The following IL21R variants were observed in gnomAD, a reference collection of about 807,000 sequenced individuals.
IL21R encodes the protein interleukin 21 receptor.
IL21R carries 14 observed loss-of-function variants against 41.3 expected under a neutral mutation model. The observed-to-expected ratio is 0.34, with a 90% confidence interval of 0.22 to 0.53. The LOEUF (loss-of-function observed/expected upper bound fraction) is 0.53, where lower values mean the gene tolerates loss of function less well. Among genes scored for constraint, IL21R ranks in the 20% least tolerant of loss-of-function variants. The pLI, the probability that IL21R is intolerant of heterozygous loss-of-function variation, is 0.94. For missense variants in IL21R, 588 were observed against 681.6 expected (o/e 0.86, Z 1.53); for synonymous variants, 286 against 287.6 (o/e 0.99, Z 0.05).
chr16:27,420,160 G>A (rs2086976689), intron 1 of IL21R, among the ~76,000 whole-genome samples: 1 of 152,162 alleles, frequency 6.6e-6, no homozygotes, highest in Non-Finnish European at 1.5e-5. Flanking sequence ...AAAGTGCTGG[G>A]ATTACAGGCG....
intron 4 of IL21R, among the ~76,000 whole-genome samples, chr16:27,439,446 GCACA>G (rs888340376): frequency 6.6e-6 from 1 of 150,972 alleles, no homozygotes; most frequent in Non-Finnish European, 1.5e-5. Context: ...GCACACACAC[GCACA>G]CACTCACACA....
At chr16:27,432,081 C>T (rs1001958355) in intron 2 of IL21R, among the ~76,000 whole-genome samples, 3 of 152,224 alleles carry the variant, frequency 2.0e-5, no homozygotes, top group Non-Finnish European at 2.9e-5. Context: ...TTCAGGGGGG[C>T]TCTGCCCCCA....
intron 3 of IL21R, among the ~76,000 whole-genome samples, chr16:27,435,280 CAT>C (rs2087248249): frequency 6.6e-6 from 1 of 151,888 alleles, no homozygotes; most frequent in South Asian, 2.1e-4. Flanking sequence ...CAAAACAAAA[CAT>C]GTATTAAGTT....
chr16:27,437,867 T>C (rs1567368551), intron 4 of IL21R, among the ~76,000 whole-genome samples, 180 bp downstream of exon 4: 1 of 152,174 alleles, frequency 6.6e-6, no homozygotes, highest in Non-Finnish European at 1.5e-5. Context: ...TCTTGCCATG[T>C]TGCCCAGGCC....
chr16:27,417,163 C>CTTTTTTTTTTTTTTTTTTTTTTTT (rs577149386), intron 1 of IL21R, among the ~76,000 whole-genome samples: 5 of 126,620 alleles, frequency 3.9e-5, no homozygotes, highest in Non-Finnish European at 6.4e-5. Context: ...TTTTTCTTTT[C>CTTTTTTTTTTTTTTTTTTTTTTTT]TTTTTTTTTT....
In IL21R at chr16:27,450,582, C is replaced by CTTTTTTTTTTTTT. The variant is rs553596346; in HGVS notation, c.*1301_*1313dup. 1 of 181,508 alleles carries CTTTTTTTTTTTTT rather than the reference C, an allele frequency of 5.5e-6. No individual in the cohort carries two copies. 11.2% of individuals were successfully genotyped at this position (181,508 alleles called of 1,614,324 possible). ...TATTTCTTAGCAACATTTTCTTTTT[C>CTTTTTTTTTTTTT]TTTTTTTTTTTTTTCTTTTGAGACA... On this transcript the variant is annotated 3_prime_UTR_variant, in exon 9 of 9. Transcript: ENST00000337929.
At chr16:27,427,911 G>T (rs1321351764) in intron 1 of IL21R, among the ~76,000 whole-genome samples, 2 of 152,154 alleles carry the variant, frequency 1.3e-5, no homozygotes, top group African/African-American at 2.4e-5. Context: ...TATTTTATTT[G>T]AGTAGTGATG....
chr16:27,449,197 G>A lies in IL21R; in HGVS notation c.1531G>A (p.Gly511Arg), dbSNP rs769429806. The change falls in exon 9 of 9, where the codon GGG becomes AGG. Residue 511 changes from glycine to arginine, a missense_variant. Gly to Arg is a moderately radical substitution (Grantham distance 125). Transcript: ENST00000337929. ...SPVECDFTSP[G>R]DEGPPRSYLR... ...TGTGGAGTGTGACTTCACCAGCCCCGGGGACGAAGGACCCCCCCGGAGCTA... is the reference window on the plus strand; with the variant it reads ...TGTGGAGTGTGACTTCACCAGCCCCAGGGACGAAGGACCCCCCCGGAGCTA... 7.4e-6 allele frequency: 12 copies of A among 1,612,754 alleles called. No homozygotes were observed. The highest frequency in any genetic ancestry group is 3.3e-5 in the Admixed American group (2 of 59,986).
chr16:27,416,596 G>A (rs1013526956), intron 1 of IL21R, among the ~76,000 whole-genome samples: 5 of 151,614 alleles, frequency 3.3e-5, no homozygotes, highest in Non-Finnish European at 5.9e-5. Context: ...ATTTTTGTCT[G>A]AAAAAAAATC....
At chr16:27,448,510 A>T in intron 8 of IL21R, 24 bp from the exon 9 acceptor site, 1 of 1,571,060 alleles carries the variant, frequency 6.4e-7, no homozygotes. Context: ...CTGTGCTATG[A>T]CTCTCTCTTT....
intron 4 of IL21R, among the ~76,000 whole-genome samples, chr16:27,440,128 G>A (rs1269536012): frequency 6.6e-6 from 1 of 151,540 alleles, no homozygotes; most frequent in Non-Finnish European, 1.5e-5. Flanking sequence ...TCACCTCGGG[G>A]CGTGGTGGGA....
At chr16:27,442,819 G>A in intron 4 of IL21R, 143 bp from the exon 5 acceptor site, 1 of 693,574 alleles carries the variant, frequency 1.4e-6, no homozygotes, top group Non-Finnish European at 2.4e-6. Flanking sequence ...AAGTCACTCA[G>A]GGTTGTTGGT....
chr16:27,413,739 T>C (rs1016138360), intron 1 of IL21R, among the ~76,000 whole-genome samples: 4 of 152,052 alleles, frequency 2.6e-5, no homozygotes, highest in African/African-American at 9.7e-5. Flanking sequence ...CATATAATTG[T>C]TCATAGTAGT....
At chr16:27,404,547 T>C (rs2086708410) in intron 1 of IL21R, among the ~76,000 whole-genome samples, 1 of 152,166 alleles carries the variant, frequency 6.6e-6, no homozygotes, top group Non-Finnish European at 1.5e-5. Flanking sequence ...GATAAATAAA[T>C]GAATGAAAGG....
At chr16:27,403,203 C>A (rs114226509) in intron 1 of IL21R, 8 of 1,341,552 alleles carry the variant, frequency 6.0e-6, no homozygotes, top group Non-Finnish European at 7.8e-6. Context: ...TCATGAAGCA[C>A]GGGGAACGGG....
intron 1 of IL21R, among the ~76,000 whole-genome samples, chr16:27,424,332 C>T (rs2087042836): frequency 6.6e-6 from 1 of 152,160 alleles, no homozygotes; most frequent in Non-Finnish European, 1.5e-5. Flanking sequence ...CCTCGGCCTC[C>T]CAAAGTATTG....
chr16:27,439,280 A>C (rs1020176752), intron 4 of IL21R, among the ~76,000 whole-genome samples: 1 of 151,914 alleles, frequency 6.6e-6, no homozygotes, highest in African/African-American at 2.4e-5. Flanking sequence ...CCCCAGCCCC[A>C]GCCTGCATGG....
chr16:27,451,038 G>A lies in IL21R; in HGVS notation c.*1755G>A, dbSNP rs1378502284. On this transcript the variant is annotated 3_prime_UTR_variant, in exon 9 of 9. Transcript: ENST00000337929. The stretch of plus-strand genomic sequence containing the variant: ...TAGAACACTGATGGTTATAAGAGTG[G>A]GACTGTGAGCCTGGGATCGGGGGGT... 2 of 230,044 alleles carry A rather than the reference G, an allele frequency of 8.7e-6. No individual in the cohort carries two copies. Among genetic ancestry groups the A allele is most frequent in the Non-Finnish European group, 1.7e-5 (2 of 118,214 alleles). 14.3% of individuals were successfully genotyped at this position (230,044 alleles called of 1,614,324 possible). A position where few individuals can be genotyped will look rare whatever the true frequency, so the allele number is the denominator to read the frequency against.
chr16:27,451,189 C>T lies in IL21R; in HGVS notation c.*1906C>T, dbSNP rs901894430. ...TCCAGATGTGCTGTGGTTTTCACAC[C>T]TTCTTGGGGGCAACAGGTTCCAGGA... On this transcript the variant is annotated 3_prime_UTR_variant, in exon 9 of 9. Transcript: ENST00000337929. The T allele has an allele frequency of 1.7e-5, 4 of 228,812 alleles. No homozygotes were observed. Among genetic ancestry groups the T allele is most frequent in the African/African-American group, 9.4e-5 (4 of 42,712 alleles). The allele number at this position is 228,812 out of a possible 1,614,324, so 14.2% of individuals were successfully genotyped here. A position where few individuals can be genotyped will look rare whatever the true frequency, so the allele number is the denominator to read the frequency against.
Sources: gnomAD v4.1 joint callset for allele counts (sites outside exome capture counted in the v4.1 genomes callset) on GRCh38, gnomAD v4.1.1 for gene constraint, MANE v1.5 for transcripts, NCBI Gene and HGNC (gene_info 2026-07-23, HGNC 2026-07-21) for gene names.